Variants in FOXK1 observed in about 807,000 individuals in gnomAD.
FOXK1 encodes forkhead box protein K1.
A neutral mutation model predicts 51.9 loss-of-function variants in FOXK1; 19 were observed. The observed-to-expected ratio is 0.37, with a 90% CI of 0.26 to 0.54. FOXK1 has a LOEUF of 0.54. Ranked by LOEUF, FOXK1 falls within the 20% of genes least tolerant of loss-of-function variation. FOXK1 has a pLI of 0.87. For synonymous variants in FOXK1, 537 were observed against 482.6 expected, an observed-to-expected ratio of 1.11 and a Z score of -1.48; for missense variants, 870 against 1,032.7, an observed-to-expected ratio of 0.84 and a Z score of 2.16.
chr7:4,718,528 G>T (rs544765504), intron 1 of FOXK1, among the ~76,000 whole-genome samples: 4 of 152,042 alleles, frequency 2.6e-5, no homozygotes, highest in Admixed American at 2.6e-4. Flanking sequence ...TCCATTTTTC[G>T]GCCTACTACA....
rs976485946 is a variant in FOXK1, at chr7:4,761,352, G to A, written c.1921+64G>A. On this transcript the variant is annotated intron_variant, in intron 8 of 8. Transcript: ENST00000328914. This position sits in a 1 kb window ranked among gnomAD's most constrained non-coding sequence, Gnocchi z 6.2. ...CTCTGTGGCTCCCAGTAGTCAGTGC[G>A]GCATGAGAATGTTCTCCCAGTATCT... 36 of 1,477,168 alleles carry A rather than the reference G, an allele frequency of 2.4e-5. No individual in the cohort carries two copies. Among genetic ancestry groups the A allele is most frequent in the East Asian group, 4.8e-5 (2 of 41,904 alleles). 91.5% of individuals were successfully genotyped at this position (1,477,168 alleles called of 1,614,324 possible).
chr7:4,718,854 G>C (rs1002930037), intron 1 of FOXK1, among the ~76,000 whole-genome samples: 38 of 152,304 alleles, frequency 2.5e-4, no homozygotes, highest in African/African-American at 8.9e-4. Flanking sequence ...TTGTCACCCA[G>C]GCTGGAGTGC....
chr7:4,751,379 C>T (rs750182086), intron 2 of FOXK1, among the ~76,000 whole-genome samples: 2 of 152,100 alleles, frequency 1.3e-5, no homozygotes, highest in South Asian at 2.1e-4. Flanking sequence ...GGAATGTTTC[C>T]GTGGACTCCC....
chr7:4,735,526 C>T lies in FOXK1; in HGVS notation c.561-5312C>T, dbSNP rs1034712886. On this transcript the variant is annotated intron_variant, in intron 1 of 8. Coordinates refer to ENST00000328914, the MANE Select transcript of FOXK1 (RefSeq NM_001037165.2). The surrounding 1 kb of genome is among the most constrained non-coding windows in gnomAD (Gnocchi z 4.7). The stretch of plus-strand genomic sequence containing the variant: ...CTCCGTCCCCCCTGCCTGTCCCACC[C>T]GTCACTCCAGCCCTAGGCAACCACT... Among the ~76,000 whole-genome samples the T allele has an allele frequency of 6.6e-5, 10 of 152,152 alleles. No individual in the cohort carries two copies. Among genetic ancestry groups the T allele is most frequent in the African/African-American group, 2.4e-4 (10 of 41,414 alleles).
rs775099211 is a variant in FOXK1, at chr7:4,704,834, C to CTTTTT, written c.560+21977_560+21981dup. Among the ~76,000 whole-genome samples the CTTTTT allele has an allele frequency of 5.3e-5, 7 of 131,394 alleles. 1 individual carries two copies. Among genetic ancestry groups the CTTTTT allele is most frequent in the African/African-American group, 2.3e-4 (7 of 31,030 alleles). 86.2% of individuals were successfully genotyped at this position (131,394 alleles called of 152,430 possible). A position where few individuals can be genotyped will look rare whatever the true frequency, so the allele number is the denominator to read the frequency against. On this transcript the variant is annotated intron_variant, in intron 1 of 8. Coordinates refer to ENST00000328914, the MANE Select transcript of FOXK1 (RefSeq NM_001037165.2). The stretch of plus-strand genomic sequence containing the variant: ...CTCCCAAACCAATCTATGTTTCATT[C>CTTTTT]TTTTTTTTTTTTTTTGAGAAAAAGT...
intron 1 of FOXK1, among the ~76,000 whole-genome samples, chr7:4,739,347 C>T (rs539296316): frequency 1.3e-5 from 2 of 152,340 alleles, no homozygotes; most frequent in South Asian, 2.1e-4. Flanking sequence ...CAAACAGCTG[C>T]GCAGGCGGCC....
At position 4,683,341 on chromosome 7, in the gene FOXK1, C is replaced by T. The variant is rs937154742; in HGVS notation, c.560+473C>T. Reference sequence around the variant, plus strand: ...GCCTGGACTCCGGGGTCATTCTGAACTCCCACTGGCCTGGATCCCTGGGGT... The same window carrying T: ...GCCTGGACTCCGGGGTCATTCTGAATTCCCACTGGCCTGGATCCCTGGGGT... On this transcript the variant is annotated intron_variant, in intron 1 of 8. Coordinates refer to ENST00000328914, the MANE Select transcript of FOXK1 (RefSeq NM_001037165.2). This position sits in a 1 kb window ranked among gnomAD's most constrained non-coding sequence, Gnocchi z 4.5. Among the ~76,000 whole-genome samples, 2 of 152,024 alleles carry T rather than the reference C, an allele frequency of 1.3e-5. No homozygotes were observed. Among genetic ancestry groups the T allele is most frequent in the African/African-American group, 4.8e-5 (2 of 41,404 alleles).
intron 1 of FOXK1, among the ~76,000 whole-genome samples, chr7:4,708,193 C>G (rs976767413): frequency 6.6e-6 from 1 of 152,022 alleles, no homozygotes; most frequent in Non-Finnish European, 1.5e-5. Context: ...TTTTCAGATG[C>G]TGATTTTGGT....
rs199826676 is a variant in FOXK1, at chr7:4,762,426, G to C, written c.2164G>C (p.Ala722Pro). ...TGTAACCACACCGGCTGGAGTGATC[G>C]CAGCTGCCGGCCCCCAGGGGCCAGG... ...GAVTTPAGVI[A>P]AAGPQGPGTG... Residue 722 changes from alanine to proline, a missense_variant, in exon 9 of 9, where the codon GCA (alanine) becomes CCA (proline). Physicochemically the swap from Ala to Pro is conservative, Grantham distance 27 (BLOSUM62 -1). Around this residue, in one of 3 missense-constraint regions of FOXK1, gnomAD observed 457 missense variants for 510.8 expected, o/e 0.89. Coordinates refer to ENST00000328914, the MANE Select transcript of FOXK1 (RefSeq NM_001037165.2). The surrounding 1 kb of genome is among the most constrained non-coding windows in gnomAD (Gnocchi z 5.7). 2.5e-5 allele frequency: 38 copies of C among 1,547,392 alleles called. No individual in the cohort carries two copies. The East Asian group carries it at 9.3e-4, about 38-fold the overall frequency.
rs1583199202 is a variant in FOXK1, at chr7:4,729,993, A to G, written c.561-10845A>G. ...CGACAGAGCGAGACTCTGTCGAAAC[A>G]ATTTAAATAAAAAAAAGAAAAGGAA... On this transcript the variant is annotated intron_variant, in intron 1 of 8. Transcript: ENST00000328914. The surrounding 1 kb of genome is among the most constrained non-coding windows in gnomAD (Gnocchi z 6.2). Among the ~76,000 whole-genome samples, 1 of 152,292 alleles carries G rather than the reference A, an allele frequency of 6.6e-6. No individual in the cohort carries two copies. Among genetic ancestry groups the G allele is most frequent in the Non-Finnish European group, 1.5e-5 (1 of 68,028 alleles).
At chr7:4,706,961 C>T (rs1780109958) in intron 1 of FOXK1, among the ~76,000 whole-genome samples, 1 of 152,212 alleles carries the variant, frequency 6.6e-6, no homozygotes, top group Admixed American at 6.5e-5. Context: ...GACTTCCGGG[C>T]CACTTCCCTC....
At chr7:4,692,494 C>T (rs1267888946) in intron 1 of FOXK1, among the ~76,000 whole-genome samples, 1 of 152,216 alleles carries the variant, frequency 6.6e-6, no homozygotes, top group Non-Finnish European at 1.5e-5. Flanking sequence ...CTCCTGGGTT[C>T]AAGCAATTCT....
At chr7:4,744,568 C>G (rs1780676836) in intron 2 of FOXK1, among the ~76,000 whole-genome samples, 1 of 152,240 alleles carries the variant, frequency 6.6e-6, no homozygotes, top group Non-Finnish European at 1.5e-5. Flanking sequence ...CGCGTTGCTG[C>G]CCAGGTCAAG....
chr7:4,740,488 G>C (rs992207166), intron 1 of FOXK1, among the ~76,000 whole-genome samples: 1 of 151,334 alleles, frequency 6.6e-6, no homozygotes, highest in African/African-American at 2.4e-5. Context: ...GTGGGCGCTC[G>C]TAATCCCAGC....
At chr7:4,759,261 C>G (rs780420365) in intron 6 of FOXK1, 44 bp downstream of exon 6, 5 of 1,607,100 alleles carry the variant, frequency 3.1e-6, no homozygotes, top group Non-Finnish European at 4.2e-6. Flanking sequence ...CGGGGCGGGA[C>G]TCGTGGGGGT....
rs78550759 is a variant in FOXK1, at chr7:4,749,910, C to T, written c.747-4549C>T. ...CCAGCGACCTGTGTGTCCCACAGCC[C>T]GTCCGTCCCTCTGCAGTCTCCCTGC... is the stretch of plus-strand genomic sequence containing the variant. On this transcript the variant is annotated intron_variant, in intron 2 of 8. Transcript: ENST00000328914. This position sits in a 1 kb window ranked among gnomAD's most constrained non-coding sequence, Gnocchi z 6.0. Among the ~76,000 whole-genome samples, 1 of 152,206 alleles carries T rather than the reference C, an allele frequency of 6.6e-6. No individual in the cohort carries two copies.
intron 1 of FOXK1, among the ~76,000 whole-genome samples, chr7:4,725,136 T>G (rs4492258): frequency 0.87 from 133,178 of 152,316 alleles, 58,551 homozygotes; most frequent in African/African-American, 0.97. Context: ...TGCTGTGCTC[T>G]CTCGCAGTTC....
At chr7:4,736,068 G>T (rs1780548715) in intron 1 of FOXK1, among the ~76,000 whole-genome samples, 2 of 152,142 alleles carry the variant, frequency 1.3e-5, no homozygotes, top group Admixed American at 1.3e-4. Flanking sequence ...AGAATCCCTT[G>T]AACCTGGGAG....
intron 2 of FOXK1, among the ~76,000 whole-genome samples, chr7:4,751,937 G>T (rs1259108578): frequency 6.6e-6 from 1 of 152,134 alleles, no homozygotes; most frequent in East Asian, 1.9e-4. Context: ...TTTTCCTGTG[G>T]GTTTTACTCC....
Sources: allele counts gnomAD v4.1 joint callset (sites outside exome capture counted in the v4.1 genomes callset), GRCh38; gene constraint gnomAD v4.1.1; regional missense constraint gnomAD v4.1.1; non-coding constraint Gnocchi (gnomAD v3.1); transcripts MANE v1.5; gene names NCBI Gene and HGNC (gene_info 2026-07-23, HGNC 2026-07-21).